Variants in RALGAPB observed in about 807,000 individuals in gnomAD.
RALGAPB encodes the protein Ral GTPase activating protein non-catalytic subunit beta, also known as ral GTPase-activating protein subunit beta.
RALGAPB carries 25 observed loss-of-function variants against 161.1 expected under a neutral mutation model. The ratio of observed to expected loss-of-function variants is 0.16; its 90% CI spans 0.11 to 0.22. RALGAPB has a LOEUF of 0.22. RALGAPB is among the 10% of genes least tolerant of loss of function. The probability of loss-of-function intolerance (pLI) is 1.00; values close to 1 mark genes in which losing one functional copy is unlikely to be tolerated. For missense variants in RALGAPB, 1,391 were observed against 1,815.2 expected (o/e 0.77, Z 4.25); for synonymous variants, 629 against 626.1 (o/e 1.00, Z -0.07).
chr20:38,530,850 C>G (rs899966139), intron 13 of RALGAPB, among the ~76,000 whole-genome samples: 1 of 150,982 alleles, frequency 6.6e-6, no homozygotes, highest in Non-Finnish European at 1.5e-5. Context: ...TTCGGCCACC[C>G]AAAGTGCTGG....
At chr20:38,521,315 A>G (rs2086282226) in intron 9 of RALGAPB, among the ~76,000 whole-genome samples, 182 bp from the exon 10 acceptor site, 1 of 152,158 alleles carries the variant, frequency 6.6e-6, no homozygotes, top group Non-Finnish European at 1.5e-5. Context: ...ATTGTAACCT[A>G]TTTTCAAAGA....
Position 38,558,370 on chromosome 20 carries a change from G to A in RALGAPB, c.3448G>A (p.Gly1150Arg). The A allele has an allele frequency of 6.2e-7, 1 of 1,608,250 alleles. No individual in the cohort carries two copies. The highest frequency in any genetic ancestry group is 8.5e-7 in the Non-Finnish European group (1 of 1,176,398). The change falls in exon 23 of 30, where the codon GGG becomes AGG. Residue 1150 changes from glycine (G) to arginine (R), a missense_variant. Gly to Arg is a moderately radical substitution (Grantham distance 125). Coordinates refer to ENST00000262879, the MANE Select transcript of RALGAPB (RefSeq NM_020336.4). ...STIPGFFDDI[G>R]YLDLLPCRPF... The stretch of plus-strand genomic sequence containing the variant: ...GATACCTGGATTTTTTGATGACATT[G>A]GGTATCTGGATCTCTTGCCATGTCG...
At chr20:38,564,576 T>C (rs1342945088) in intron 24 of RALGAPB, among the ~76,000 whole-genome samples, 2 of 152,220 alleles carry the variant, frequency 1.3e-5, no homozygotes, top group African/African-American at 4.8e-5. Flanking sequence ...TTGTTGGTCT[T>C]TTATGTATTG....
intron 5 of RALGAPB, 74 bp from the exon 6 acceptor site, chr20:38,509,003 G>A: frequency 2.0e-6 from 3 of 1,503,130 alleles, no homozygotes; most frequent in East Asian, 2.3e-5. Context: ...CATTTTCTCT[G>A]TCTTCTTTCT....
chr20:38,517,860 G>C lies in RALGAPB; in HGVS notation c.1277G>C (p.Ser426Thr). 3 of 1,614,008 alleles carry C rather than the reference G, an allele frequency of 1.9e-6. No individual in the cohort carries two copies. The highest frequency in any genetic ancestry group is 1.7e-6 in the Non-Finnish European group (2 of 1,179,910). Residue 426 changes from serine (S) to threonine (T), a missense_variant, in exon 9 of 30, where the codon AGT becomes ACT. This residue lies in a region of RALGAPB where 946 missense variants were observed against 1,257.2 expected (regional missense o/e 0.75). Coordinates refer to ENST00000262879, the MANE Select transcript of RALGAPB (RefSeq NM_020336.4). ...CCTCTGTCAAGTCCAAATCAGACTAGTTCAGAACCCCGGCCACTGCCTGCC... is the reference window on the plus strand; with the variant it reads ...CCTCTGTCAAGTCCAAATCAGACTACTTCAGAACCCCGGCCACTGCCTGCC... Reference protein sequence around the residue: ...TSPLSSPNQTSSEPRPLPAPR... With the variant: ...TSPLSSPNQTTSEPRPLPAPR...
intron 1 of RALGAPB, among the ~76,000 whole-genome samples, chr20:38,476,693 A>G (rs1331797381): frequency 6.6e-6 from 1 of 152,234 alleles, no homozygotes; most frequent in Non-Finnish European, 1.5e-5. Flanking sequence ...CCAAAAATGC[A>G]TTTAATATAC....
intron 1 of RALGAPB, among the ~76,000 whole-genome samples, chr20:38,478,223 C>T (rs2084862987): frequency 6.6e-6 from 1 of 152,184 alleles, no homozygotes; most frequent in African/African-American, 2.4e-5. Context: ...GGTGGAGTTT[C>T]TTGTCCCAGA....
Position 38,497,370 on chromosome 20 carries a change from G to A in RALGAPB, c.407G>A (p.Ser136Asn). ...TTCTTCAGACAGGAACAGGGTTCCA[G>A]TCAGATTCGACTATGCTTACAGGTC... is the stretch of plus-strand genomic sequence containing the variant. ...LFVPRQEQGS[S>N]QIRLCLQVLR... Residue 136 changes from serine to asparagine, a missense_variant, in exon 4 of 30, where the codon AGT (serine) becomes AAT (asparagine). Ser to Asn is a conservative substitution (Grantham distance 46). Coordinates refer to ENST00000262879, the MANE Select transcript of RALGAPB (RefSeq NM_020336.4). 1 of 1,613,986 alleles carries A rather than the reference G, an allele frequency of 6.2e-7. No homozygotes were observed. Among genetic ancestry groups the A allele is most frequent in the Non-Finnish European group, 8.5e-7 (1 of 1,179,980 alleles).
In RALGAPB at chr20:38,517,591, C is replaced by G; in HGVS notation, c.1137C>G (p.Thr379=). Reference sequence around the variant, plus strand: ...CTCAAAGTGCTGCTGTCAGTACCACCCCCCCACATAACCGGAGGCACCGGG... The same window carrying G: ...CTCAAAGTGCTGCTGTCAGTACCACGCCCCCACATAACCGGAGGCACCGGG... The part of the protein sequence containing the change: ...SMPQSAAVST[T]PPHNRRHRAV... The change falls in exon 8 of 30, where the codon ACC becomes ACG. Residue 379 remains threonine, a synonymous_variant. Coordinates refer to ENST00000262879, the MANE Select transcript of RALGAPB (RefSeq NM_020336.4). 1.9e-6 allele frequency: 3 copies of G among 1,613,834 alleles called. No individual in the cohort carries two copies. Among genetic ancestry groups the G allele is most frequent in the African/African-American group, 1.3e-5 (1 of 74,934 alleles).
At chr20:38,528,328 C>T (rs1222088438) in intron 13 of RALGAPB, among the ~76,000 whole-genome samples, 1 of 151,274 alleles carries the variant, frequency 6.6e-6, no homozygotes, top group Non-Finnish European at 1.5e-5. Flanking sequence ...CAAGTTTGAC[C>T]TTCACATTCA....
At chr20:38,484,344 C>G (rs999798336) in intron 1 of RALGAPB, among the ~76,000 whole-genome samples, 5 of 152,088 alleles carry the variant, frequency 3.3e-5, no homozygotes, top group Non-Finnish European at 5.9e-5. Flanking sequence ...GGTTATAAGC[C>G]CAGCCCCAGC....
intron 14 of RALGAPB, among the ~76,000 whole-genome samples, chr20:38,532,117 G>A (rs6100094): frequency 0.035 from 5,392 of 152,158 alleles, 333 homozygotes; most frequent in African/African-American, 0.12. Context: ...GTGCAGTGGC[G>A]CAATCTCTGC....
Position 38,509,095 on chromosome 20 carries a change from T to C in RALGAPB, c.759T>C (p.Tyr253=). The part of the protein sequence containing the change: ...ALTSRLLRFT[Y]GPSFPAFKVP... Reference sequence around the variant, plus strand: ...TTTCTAGATTGCTACGCTTTACATATGGTCCTTCATTTCCTGCATTTAAAG... The same window carrying C: ...TTTCTAGATTGCTACGCTTTACATACGGTCCTTCATTTCCTGCATTTAAAG... The change falls in exon 6 of 30, where the codon TAT becomes TAC. Residue 253 remains tyrosine (Y), a synonymous_variant. Transcript: ENST00000262879. The C allele has an allele frequency of 6.2e-6, 10 of 1,613,738 alleles. No individual in the cohort carries two copies. Among genetic ancestry groups the C allele is most frequent in the Non-Finnish European group, 8.5e-6 (10 of 1,179,600 alleles).
At chr20:38,486,699 A>G (rs1262878236) in intron 1 of RALGAPB, among the ~76,000 whole-genome samples, 1 of 152,144 alleles carries the variant, frequency 6.6e-6, no homozygotes, top group African/African-American at 2.4e-5. Flanking sequence ...TTAAATATTC[A>G]TTTAGTATTT....
intron 21 of RALGAPB, among the ~76,000 whole-genome samples, chr20:38,553,630 G>A (rs186779302): frequency 1.6e-4 from 25 of 151,996 alleles, no homozygotes; most frequent in Non-Finnish European, 3.5e-4. Context: ...GTTGCTTGTA[G>A]CTTTATTTTC....
chr20:38,535,954 C>T (rs768759360), intron 16 of RALGAPB, among the ~76,000 whole-genome samples: 25 of 152,164 alleles, frequency 1.6e-4, no homozygotes, highest in Admixed American at 3.3e-4. Flanking sequence ...ACTTGGTGGT[C>T]ATTTGTGCTT....
In RALGAPB at chr20:38,577,321, A is replaced by G. The variant is rs1054141304; in HGVS notation, c.*2354A>G. 2 of 152,168 alleles carry G rather than the reference A, an allele frequency of 1.3e-5. No homozygotes were observed. Among genetic ancestry groups the G allele is most frequent in the Non-Finnish European group, 2.9e-5 (2 of 68,044 alleles). 9.4% of individuals were successfully genotyped at this position (152,168 alleles called of 1,614,324 possible). On this transcript the variant is annotated 3_prime_UTR_variant, in exon 30 of 30. Coordinates refer to ENST00000262879, the MANE Select transcript of RALGAPB (RefSeq NM_020336.4). ...ACTTTGAGTAGAATAGCACTGGAGG[A>G]ACATATTTAGCACCTAATATTAATA... is the stretch of plus-strand genomic sequence containing the variant.
chr20:38,492,228 A>T (rs1379652272), intron 2 of RALGAPB, among the ~76,000 whole-genome samples: 2 of 152,184 alleles, frequency 1.3e-5, no homozygotes, highest in Non-Finnish European at 2.9e-5. Context: ...GGGCCAGATT[A>T]TTTAATCTCT....
chr20:38,564,553 A>G (rs1027769148), intron 24 of RALGAPB, among the ~76,000 whole-genome samples: 2 of 151,906 alleles, frequency 1.3e-5, no homozygotes, highest in Admixed American at 6.6e-5. Flanking sequence ...CCCCTTTCCA[A>G]TTTTTGGTCC....
Sources: gnomAD v4.1 joint callset for allele counts (sites outside exome capture counted in the v4.1 genomes callset) on GRCh38, gnomAD v4.1.1 for gene constraint, gnomAD v4.1.1 regional missense constraint, MANE v1.5 for transcripts, NCBI Gene and HGNC (gene_info 2026-07-23, HGNC 2026-07-21) for gene names.